The following SLC26A5 variants were observed in gnomAD, a reference collection of about 807,000 sequenced individuals.
The protein encoded by SLC26A5 is prestin.
In SLC26A5, 51 loss-of-function variants were observed where a neutral mutation model predicts 81.0. That is an observed-to-expected ratio of 0.63 (90% CI 0.50 to 0.80). The LOEUF (loss-of-function observed/expected upper bound fraction) is 0.80, where lower values mean the gene tolerates loss of function less well. Ranked by LOEUF, SLC26A5 falls within the 30% of genes least tolerant of loss-of-function variation. The pLI is 0.00. For missense variants in SLC26A5, 771 were observed against 905.8 expected, an observed-to-expected ratio of 0.85 and a Z score of 1.91; for synonymous variants, 325 against 332.8, an observed-to-expected ratio of 0.98 and a Z score of 0.25.
chr7:103,389,735 G>C (rs181119738), intron 12 of SLC26A5, among the ~76,000 whole-genome samples: 2 of 152,268 alleles, frequency 1.3e-5, no homozygotes, highest in Non-Finnish European at 2.9e-5. Context: ...CAATTCTCCT[G>C]CCTCAACCTT....
chr7:103,402,257 A>G (rs951812579), intron 8 of SLC26A5, among the ~76,000 whole-genome samples: 7 of 152,158 alleles, frequency 4.6e-5, no homozygotes, highest in African/African-American at 1.4e-4. Context: ...TGGTCTATTC[A>G]GGGATTCAAG....
intron 8 of SLC26A5, among the ~76,000 whole-genome samples, chr7:103,402,758 C>G (rs1292464556): frequency 1.3e-5 from 2 of 152,020 alleles, no homozygotes; most frequent in Non-Finnish European, 2.9e-5. Context: ...TTTACTGTGC[C>G]TATTTGATTC....
rs185646179 is a variant in SLC26A5, at chr7:103,361,250, G to A, written c.2042-8324C>T. On this transcript the variant is annotated intron_variant, in intron 19 of 19. Coordinates refer to the SLC26A5 transcript ENST00000339444. ...TGTAATCCCAGCACTTTGGGAAGCT[G>A]AGGCGGGCGGATCACCTGAGGTTGG... 1.9e-3 allele frequency among the ~76,000 whole-genome samples: 287 copies of A among 151,998 alleles called. 5 individuals are homozygous for A. Among genetic ancestry groups the A allele is most frequent in the Admixed American group, 0.017 (266 of 15,268 alleles).
chr7:103,407,704 A>T, intron 8 of SLC26A5, 147 bp downstream of exon 8: 1 of 856,078 alleles, frequency 1.2e-6, no homozygotes, highest in Non-Finnish European at 1.8e-6. Context: ...CTTTCTTGTC[A>T]ATGAATTTGT....
intron 2 of SLC26A5, among the ~76,000 whole-genome samples, chr7:103,430,168 T>C (rs1261857069): frequency 6.8e-6 from 1 of 146,766 alleles, no homozygotes; most frequent in East Asian, 2.0e-4. Flanking sequence ...AACCTCTGCC[T>C]CCTGGGTTCA....
At chr7:103,412,950 AG>A in intron 5 of SLC26A5, 51 bp downstream of exon 5, 2 of 1,300,468 alleles carry the variant, frequency 1.5e-6, no homozygotes, top group Non-Finnish European at 2.2e-6. Context: ...GCACATTGCA[AG>A]GTTGGAAATA....
chr7:103,432,869 T>C (rs1296711382), intron 2 of SLC26A5, among the ~76,000 whole-genome samples: 2 of 152,166 alleles, frequency 1.3e-5, no homozygotes, highest in Non-Finnish European at 2.9e-5. Flanking sequence ...GTGGTTTTAG[T>C]GGGTCCTGGA....
At chr7:103,414,190 C>CTT (rs199802339) in intron 4 of SLC26A5, among the ~76,000 whole-genome samples, 1 of 127,050 alleles carries the variant, frequency 7.9e-6, no homozygotes, top group Non-Finnish European at 1.6e-5. Flanking sequence ...TTGCCCCCCC[C>CTT]TTTTTTTTTT....
intron 2 of SLC26A5, among the ~76,000 whole-genome samples, chr7:103,441,486 G>C (rs559394267): frequency 6.6e-6 from 1 of 152,306 alleles, no homozygotes; most frequent in Admixed American, 6.5e-5. Context: ...TCCTCTCCCA[G>C]TTCTGGTAAC....
rs371102716 is a variant in SLC26A5, at chr7:103,405,959, G to T, written c.888+1892C>A. Among the ~76,000 whole-genome samples the T allele has an allele frequency of 3.3e-5, 5 of 152,290 alleles. No homozygotes were observed. In the East Asian group the frequency reaches 9.7e-4, roughly 29 times the overall value. ...GGAATCCACCCAGTTGGACCTTCCAGGTGGCTTTGTTTACACTGTGAGGGG... is the reference window on the plus strand; with the variant it reads ...GGAATCCACCCAGTTGGACCTTCCATGTGGCTTTGTTTACACTGTGAGGGG... On this transcript the variant is annotated intron_variant, in intron 8 of 19. Transcript: ENST00000306312.
chr7:103,356,219 T>C (rs1820025374), intron 19 of SLC26A5, among the ~76,000 whole-genome samples: 1 of 152,198 alleles, frequency 6.6e-6, no homozygotes, highest in South Asian at 2.1e-4. Context: ...GGTATACTTA[T>C]TTCTTTTTTC....
At chr7:103,372,661 T>C (rs1020378131), downstream of SLC26A5, among the ~76,000 whole-genome samples, 6 of 152,236 alleles carry the variant, frequency 3.9e-5, no homozygotes, top group African/African-American at 1.4e-4. Flanking sequence ...ATAGCTGTTA[T>C]GAACTTCTAA....
intron 7 of SLC26A5, 108 bp from the exon 8 acceptor site, chr7:103,408,111 C>T: frequency 6.9e-7 from 1 of 1,454,628 alleles, no homozygotes; most frequent in African/African-American, 1.4e-5. Flanking sequence ...TTGGATATTT[C>T]TAGTGGAAAG....
chr7:103,387,006 C>A (rs1305213570), intron 14 of SLC26A5, among the ~76,000 whole-genome samples: 1 of 152,148 alleles, frequency 6.6e-6, no homozygotes, highest in Non-Finnish European at 1.5e-5. Flanking sequence ...AAGTGATCTG[C>A]CTGCCTCAGT....
At chr7:103,360,166 G>T (rs994399709) in intron 19 of SLC26A5, among the ~76,000 whole-genome samples, 2 of 151,204 alleles carry the variant, frequency 1.3e-5, no homozygotes, top group African/African-American at 4.9e-5. Context: ...TTCCCCTTAT[G>T]TATGAGCCAT....
intron 3 of SLC26A5, 106 bp from the exon 4 acceptor site, chr7:103,420,983 A>G: frequency 1.6e-6 from 2 of 1,287,066 alleles, no homozygotes; most frequent in South Asian, 1.2e-5. Flanking sequence ...CAATCTGGAA[A>G]AATTTCCAAT....
intron 2 of SLC26A5, among the ~76,000 whole-genome samples, chr7:103,442,173 CT>C: frequency 6.6e-6 from 1 of 152,032 alleles, no homozygotes; most frequent in East Asian, 1.9e-4. Flanking sequence ...CTGAGTCTCG[CT>C]CTTGTTGCCC....
intron 2 of SLC26A5, among the ~76,000 whole-genome samples, chr7:103,426,742 G>A (rs574160102): frequency 4.6e-5 from 7 of 152,234 alleles, no homozygotes; most frequent in East Asian, 3.9e-4. Context: ...TTAAAGCCTC[G>A]AAGGCTATCA....
intron 14 of SLC26A5, among the ~76,000 whole-genome samples, chr7:103,385,702 C>CTTTTTT (rs1179157860): frequency 2.4e-5 from 3 of 122,692 alleles, no homozygotes; most frequent in African/African-American, 4.2e-5. Flanking sequence ...CTTTTCTTTT[C>CTTTTTT]TTTTTTTTTT....
Sources: allele counts gnomAD v4.1 joint callset (sites outside exome capture counted in the v4.1 genomes callset), GRCh38; gene constraint gnomAD v4.1.1; transcripts MANE v1.5; gene names NCBI Gene and HGNC (gene_info 2026-07-23, HGNC 2026-07-21).